SYTL2: variants seen among roughly 807,000 people sequenced by gnomAD.
SYTL2 encodes the protein synaptotagmin like 2.
Under a neutral mutation model 198.7 loss-of-function variants are expected in SYTL2, and 165 were observed. The observed-to-expected ratio is 0.83, with a 90% confidence interval of 0.73 to 0.94. The LOEUF (loss-of-function observed/expected upper bound fraction) is 0.94, where lower values mean the gene tolerates loss of function less well. SYTL2 is among the 40% of genes least tolerant of loss of function. The pLI is 0.00. For missense variants in SYTL2, 2,835 were observed against 2,582.8 expected, an observed-to-expected ratio of 1.10 and a Z score of -2.12; for synonymous variants, 966 against 917.7, an observed-to-expected ratio of 1.05 and a Z score of -0.95.
chr11:85,788,682 G>A (rs2092675400), intron 1 of SYTL2, among the ~76,000 whole-genome samples: 1 of 151,706 alleles, frequency 6.6e-6, no homozygotes, highest in Admixed American at 6.6e-5. Flanking sequence ...CTTCCTCTTT[G>A]TCAATAGCTG....
intron 4 of SYTL2, among the ~76,000 whole-genome samples, chr11:85,743,823 T>C (rs765538290): frequency 1.3e-5 from 2 of 152,048 alleles, no homozygotes; most frequent in African/African-American, 2.4e-5. Context: ...CCAGATAAAA[T>C]GGGGCAATGA....
chr11:85,848,906 CAT>C, the SYTL2 span, among the ~76,000 whole-genome samples: 13 of 152,240 alleles, frequency 8.5e-5, no homozygotes, highest in South Asian at 4.1e-4. Flanking sequence ...AAAAAAAAGA[CAT>C]GTGGTATCTT....
chr11:85,714,463 C>A lies in SYTL2; in HGVS notation c.5575G>T (p.Asp1859Tyr). 7 of 1,613,808 alleles carry A rather than the reference C, an allele frequency of 4.3e-6. No individual in the cohort carries two copies. The highest frequency in any genetic ancestry group is 5.1e-6 in the Non-Finnish European group (6 of 1,179,764). The part of the protein sequence containing the change: ...TQPDNPFSHP[D>Y]KLKRMSKSVP... ...GACTTGCTCATCCTTTTGAGTTTGT[C>A]AGGGTGAGAAAATGGATTATCAGGT... The change falls in exon 12 of 20, where the codon GAC becomes TAC. Residue 1859 changes from aspartate (D) to tyrosine (Y), a missense_variant. Asp to Tyr is a radical substitution (Grantham distance 160, BLOSUM62 -3). Around this residue, in one of 3 missense-constraint regions of SYTL2, gnomAD observed 2,645 missense variants for 2,381.7 expected, o/e 1.11. Coordinates refer to ENST00000359152, the MANE Select transcript of SYTL2 (RefSeq NM_206927.4).
At position 85,712,695 on chromosome 11, in the gene SYTL2, T is replaced by C. The variant is rs77484499; in HGVS notation, c.5626-1463A>G. On this transcript the variant is annotated intron_variant, in intron 12 of 19. Coordinates refer to ENST00000359152, the MANE Select transcript of SYTL2 (RefSeq NM_206927.4). ...ATATAATTTGCCTCGAAAATACATA[T>C]ACACACACACACACACACACACACA... 9.2e-3 allele frequency among the ~76,000 whole-genome samples: 1,338 copies of C among 145,608 alleles called. 15 individuals carry two copies. The highest frequency in any genetic ancestry group is 0.027 in the African/African-American group (1,062 of 39,580).
the SYTL2 span, among the ~76,000 whole-genome samples, chr11:85,847,361 T>C: frequency 2.0e-5 from 3 of 152,324 alleles, no homozygotes; most frequent in South Asian, 6.2e-4. Context: ...GGTTGTTGCA[T>C]GTATCAATAG....
the SYTL2 span, among the ~76,000 whole-genome samples, chr11:85,820,844 T>C: frequency 6.6e-6 from 1 of 152,240 alleles, no homozygotes; most frequent in Non-Finnish European, 1.5e-5. Flanking sequence ...CTTTACTAAA[T>C]GCATGTTATA....
intron 2 of SYTL2, among the ~76,000 whole-genome samples, chr11:85,756,581 G>T (rs1221202368): frequency 2.0e-5 from 3 of 151,996 alleles, no homozygotes; most frequent in Non-Finnish European, 4.4e-5. Flanking sequence ...CATCAAATGG[G>T]GTAATTATAT....
At chr11:85,783,834 A>G (rs186167816) in intron 1 of SYTL2, among the ~76,000 whole-genome samples, 1 of 152,308 alleles carries the variant, frequency 6.6e-6, no homozygotes, top group East Asian at 1.9e-4. Context: ...AAAGCACAGA[A>G]TCATTCTCCA....
chr11:85,714,601 A>G, intron 11 of SYTL2, 94 bp from the exon 12 acceptor site: 1 of 1,502,566 alleles, frequency 6.7e-7, no homozygotes, highest in South Asian at 1.2e-5. Flanking sequence ...TAATCTATGA[A>G]CAAACATGTT....
At chr11:85,851,972 A>G in the SYTL2 span, among the ~76,000 whole-genome samples, 1 of 152,216 alleles carries the variant, frequency 6.6e-6, no homozygotes, top group Admixed American at 6.5e-5. Context: ...CCTGGCACTT[A>G]ATAAACACAA....
chr11:85,775,218 T>C (rs1279930278), intron 1 of SYTL2, among the ~76,000 whole-genome samples: 6 of 152,120 alleles, frequency 3.9e-5, no homozygotes, highest in South Asian at 2.1e-4. Context: ...CAAAAGTCTT[T>C]CTTTTCTTCT....
intron 4 of SYTL2, 81 bp downstream of exon 4, chr11:85,745,556 C>A: frequency 6.7e-7 from 1 of 1,503,524 alleles, no homozygotes; most frequent in Non-Finnish European, 9.1e-7. Flanking sequence ...CATCTGTACT[C>A]ATAGCCTGCC....
intron 1 of SYTL2, among the ~76,000 whole-genome samples, chr11:85,802,667 G>C (rs956283030): frequency 6.6e-6 from 1 of 152,172 alleles, no homozygotes; most frequent in Non-Finnish European, 1.5e-5. Flanking sequence ...GAAGGGAAGA[G>C]AGAAAGGAAA....
In SYTL2 at chr11:85,720,828, C is replaced by T. The variant is rs766537601; in HGVS notation, c.5428+30G>A. 3.1e-5 allele frequency: 46 copies of T among 1,488,348 alleles called. No homozygotes were observed. The East Asian group carries it at 9.9e-4, about 32-fold the overall frequency. The allele number at this position is 1,488,348 out of a possible 1,614,324, so 92.2% of individuals were successfully genotyped here. ...TAGGCATTTTTAAGCTTAGATGGGG[C>T]ATGAACAGTGAGGCGAACTTTATTC... is the stretch of plus-strand genomic sequence containing the variant. On this transcript the variant is annotated intron_variant, in intron 9 of 19. Coordinates refer to ENST00000359152, the MANE Select transcript of SYTL2 (RefSeq NM_206927.4).
intron 14 of SYTL2, 81 bp from the exon 15 acceptor site, chr11:85,707,612 A>T: frequency 1.1e-6 from 1 of 894,652 alleles, no homozygotes; most frequent in Non-Finnish European, 1.8e-6. Flanking sequence ...TACATTGAAA[A>T]CTGACAGCAG....
intron 11 of SYTL2, chr11:85,715,169 T>C (rs1201112088): frequency 6.6e-6 from 1 of 152,120 alleles, no homozygotes; most frequent in Admixed American, 6.5e-5. Context: ...AATAAGAAAA[T>C]GTAGCATATG....
At chr11:85,798,139 G>C (rs542526736) in intron 1 of SYTL2, among the ~76,000 whole-genome samples, 1 of 151,830 alleles carries the variant, frequency 6.6e-6, no homozygotes, top group Non-Finnish European at 1.5e-5. Flanking sequence ...GATTACAGGC[G>C]TGAGCCACTG....
In SYTL2 at chr11:85,724,987, T is replaced by C; in HGVS notation, c.4371A>G (p.Ser1457=). 1 of 1,613,992 alleles carries C rather than the reference T, an allele frequency of 6.2e-7. No homozygotes were observed. The highest frequency in any genetic ancestry group is 1.1e-5 in the South Asian group (1 of 91,030). Reference sequence around the variant, plus strand: ...AAGCAAATGAGCTAAGCGTCTGGTCTGATGGAGACATTTGGGCAGCTAAAT... The same window carrying C: ...AAGCAAATGAGCTAAGCGTCTGGTCCGATGGAGACATTTGGGCAGCTAAAT... ...GSYLAAQMSP[S]DQTLSSFASI... is the part of the protein sequence containing the mutation. The change falls in exon 8 of 20, where the codon TCA becomes TCG. Residue 1457 remains serine, a synonymous_variant. Coordinates refer to ENST00000359152, the MANE Select transcript of SYTL2 (RefSeq NM_206927.4).
the SYTL2 span, among the ~76,000 whole-genome samples, chr11:85,848,194 C>T: frequency 6.6e-6 from 1 of 151,368 alleles, no homozygotes; most frequent in Non-Finnish European, 1.5e-5. Flanking sequence ...GAGCCATTTC[C>T]ATACTGCTGC....
Sources: allele counts gnomAD v4.1 joint callset (sites outside exome capture counted in the v4.1 genomes callset), GRCh38; gene constraint gnomAD v4.1.1; regional missense constraint gnomAD v4.1.1; transcripts MANE v1.5; gene names NCBI Gene and HGNC (gene_info 2026-07-23, HGNC 2026-07-21).